Variants in LHFPL3 observed in about 807,000 individuals in gnomAD.
The protein encoded by LHFPL3 is LHFPL tetraspan subfamily member 3.
LHFPL3 carries 5 observed loss-of-function variants against 19.3 expected under a neutral mutation model. The observed-to-expected ratio is 0.26, with a 90% confidence interval of 0.14 to 0.54. The LOEUF is 0.54. LHFPL3 is among the 20% of genes least tolerant of loss of function. The probability of loss-of-function intolerance (pLI) is 0.94; values close to 1 mark genes in which losing one functional copy is unlikely to be tolerated. For synonymous variants in LHFPL3, 133 were observed against 126.2 expected, an observed-to-expected ratio of 1.05 and a Z score of -0.36; for missense variants, 249 against 307.4, an observed-to-expected ratio of 0.81 and a Z score of 1.42.
intron 1 of LHFPL3, among the ~76,000 whole-genome samples, chr7:104,594,487 A>T (rs1216407832): frequency 6.6e-6 from 1 of 151,960 alleles, no homozygotes; most frequent in African/African-American, 2.4e-5. Context: ...CTTCATTTCA[A>T]CCTTGGTGAA....
At chr7:104,650,469 T>C (rs1792011704) in intron 1 of LHFPL3, among the ~76,000 whole-genome samples, 1 of 152,238 alleles carries the variant, frequency 6.6e-6, no homozygotes, top group Admixed American at 6.5e-5. Context: ...GCTAGTTAAA[T>C]GGCTTTAAGA....
chr7:104,341,053 G>A (rs2157915), intron 1 of LHFPL3, among the ~76,000 whole-genome samples: 4 of 152,086 alleles, frequency 2.6e-5, no homozygotes, highest in Non-Finnish European at 2.9e-5. Flanking sequence ...CACAGTTATC[G>A]AAAGCAAAAT....
At chr7:104,685,694 G>A (rs1792791623) in intron 1 of LHFPL3, among the ~76,000 whole-genome samples, 1 of 152,186 alleles carries the variant, frequency 6.6e-6, no homozygotes, top group South Asian at 2.1e-4. Flanking sequence ...AGAGCTGCAG[G>A]AATCTCTCCC....
intron 1 of LHFPL3, among the ~76,000 whole-genome samples, chr7:104,548,160 A>C (rs1024509244): frequency 6.6e-6 from 1 of 152,206 alleles, no homozygotes; most frequent in African/African-American, 2.4e-5. Flanking sequence ...GTCTGAAACC[A>C]AAATTCTTTA....
rs1165637004 is a variant in LHFPL3, at chr7:104,588,488, G to A, written c.446-148187G>A. Among the ~76,000 whole-genome samples the A allele has an allele frequency of 1.7e-4, 26 of 152,218 alleles. No homozygotes were observed. In the East Asian group the frequency reaches 4.4e-3, roughly 26 times the overall value. On this transcript the variant is annotated intron_variant, in intron 1 of 2. Coordinates refer to ENST00000424859, the MANE Select transcript of LHFPL3 (RefSeq NM_199000.3). The stretch of plus-strand genomic sequence containing the variant: ...TCCATTGATCTATATCTCTGTTTTG[G>A]TACCAGTACCATGCTGTTTTGGTTA...
rs989351889 is a variant in LHFPL3, at chr7:104,703,467, T to C, written c.446-33208T>C. ...TAAAACCTAAGAGCACAAAGTTTTG[T>C]GGTTTATTATTCTCATGGATATCAT... is the stretch of plus-strand genomic sequence containing the variant. On this transcript the variant is annotated intron_variant, in intron 1 of 2. Coordinates refer to ENST00000424859, the MANE Select transcript of LHFPL3 (RefSeq NM_199000.3). 6.6e-5 allele frequency among the ~76,000 whole-genome samples: 10 copies of C among 152,220 alleles called. No homozygotes were observed. In the South Asian group the frequency reaches 1.9e-3, roughly 28 times the overall value.
intron 1 of LHFPL3, among the ~76,000 whole-genome samples, chr7:104,430,409 T>TAC (rs1791956394): frequency 2.6e-5 from 1 of 38,860 alleles, no homozygotes; most frequent in Non-Finnish European, 4.1e-5. Flanking sequence ...TATATACATA[T>TAC]ATATATATAC....
chr7:104,685,056 G>A (rs1175210560), intron 1 of LHFPL3, among the ~76,000 whole-genome samples: 1 of 152,208 alleles, frequency 6.6e-6, no homozygotes, highest in African/African-American at 2.4e-5. Flanking sequence ...TTCTCAAAGA[G>A]AGATTCATGT....
At chr7:104,829,007 G>T (rs1010538653) in intron 2 of LHFPL3, among the ~76,000 whole-genome samples, 1 of 146,004 alleles carries the variant, frequency 6.8e-6, no homozygotes, top group Admixed American at 6.9e-5. Context: ...TGCCTGCGTG[G>T]GCAACAGAGT....
At chr7:104,543,379 A>G (rs893854070) in intron 1 of LHFPL3, among the ~76,000 whole-genome samples, 75 of 152,120 alleles carry the variant, frequency 4.9e-4, no homozygotes, top group African/African-American at 1.5e-3. Flanking sequence ...ATCTAGAACT[A>G]GAAATACCAT....
chr7:104,402,280 G>A lies in LHFPL3; in HGVS notation c.445+73056G>A, dbSNP rs369590243. On this transcript the variant is annotated intron_variant, in intron 1 of 2. Transcript: ENST00000424859. The stretch of plus-strand genomic sequence containing the variant: ...CTTCTCAATCCACCAACATCCTGAG[G>A]TCCAAATTTCAGAGAAGTGGGGGAG... 2.0e-5 allele frequency among the ~76,000 whole-genome samples: 3 copies of A among 152,056 alleles called. No individual in the cohort carries two copies. In the East Asian group the frequency reaches 5.8e-4, roughly 29 times the overall value.
At chr7:104,534,600 T>A (rs1345407638) in intron 1 of LHFPL3, among the ~76,000 whole-genome samples, 1 of 152,204 alleles carries the variant, frequency 6.6e-6, no homozygotes, top group Non-Finnish European at 1.5e-5. Context: ...TTTAAAGAAT[T>A]CCTATGTAAC....
At chr7:104,536,163 T>G (rs1261408564) in intron 1 of LHFPL3, among the ~76,000 whole-genome samples, 1 of 152,232 alleles carries the variant, frequency 6.6e-6, no homozygotes, top group Non-Finnish European at 1.5e-5. Context: ...AGTTTTTCTC[T>G]GTTGAAGAAG....
chr7:104,728,223 A>C, intron 1 of LHFPL3, among the ~76,000 whole-genome samples: 1 of 152,176 alleles, frequency 6.6e-6, no homozygotes, highest in East Asian at 1.9e-4. Context: ...CTGTAGAGCC[A>C]TGTACCTGCT....
chr7:104,804,261 G>C (rs1168495285), intron 2 of LHFPL3, among the ~76,000 whole-genome samples: 1 of 152,146 alleles, frequency 6.6e-6, no homozygotes, highest in Non-Finnish European at 1.5e-5. Context: ...GTCACTTTTC[G>C]ACATCTGGGG....
chr7:104,462,502 G>A (rs998745046), intron 1 of LHFPL3, among the ~76,000 whole-genome samples: 2 of 151,996 alleles, frequency 1.3e-5, no homozygotes, highest in African/African-American at 4.8e-5. Flanking sequence ...TATCTATTGA[G>A]ATTTATCTTT....
intron 1 of LHFPL3, among the ~76,000 whole-genome samples, chr7:104,628,774 G>A (rs926027477): frequency 2.0e-5 from 3 of 152,000 alleles, no homozygotes; most frequent in South Asian, 2.1e-4. Flanking sequence ...TTTAACTAAC[G>A]TTTGGTTCCT....
Position 104,876,391 on chromosome 7 carries a change from C to G in LHFPL3, c.683-29796C>G, listed in dbSNP as rs1791940601. On this transcript the variant is annotated intron_variant, in intron 2 of 2. Transcript: ENST00000424859. ...TTTGCATCTACTCATCTGACAAAGG[C>G]CTAATATCCAGAATCTACAATGAAC... is the stretch of plus-strand genomic sequence containing the variant. Among the ~76,000 whole-genome samples, 3 of 152,174 alleles carry G rather than the reference C, an allele frequency of 2.0e-5. No homozygotes were observed. In the South Asian group the frequency reaches 6.2e-4, roughly 32 times the overall value.
At chr7:104,473,813 A>G (rs1320901050) in intron 1 of LHFPL3, among the ~76,000 whole-genome samples, 4 of 152,268 alleles carry the variant, frequency 2.6e-5, no homozygotes, top group Non-Finnish European at 1.5e-5. Flanking sequence ...TTCACAAACC[A>G]TCTGAAGTCA....
Sources: gnomAD v4.1 joint callset for allele counts (sites outside exome capture counted in the v4.1 genomes callset) on GRCh38, gnomAD v4.1.1 for gene constraint, MANE v1.5 for transcripts, NCBI Gene and HGNC (gene_info 2026-07-23, HGNC 2026-07-21) for gene names.